Variants in RALGPS1 observed in about 807,000 individuals in gnomAD.
RALGPS1 encodes Ral GEF with PH domain and SH3 binding motif 1, also known as ras-specific guanine nucleotide-releasing factor RalGPS1.
A neutral mutation model predicts 78.8 loss-of-function variants in RALGPS1; 19 were observed. The observed-to-expected ratio is 0.24, with a 90% CI of 0.17 to 0.35. The LOEUF is 0.35. RALGPS1 is among the 10% of genes least tolerant of loss of function. The probability of loss-of-function intolerance (pLI) is 1.00; values close to 1 mark genes in which losing one functional copy is unlikely to be tolerated. For missense variants in RALGPS1, 454 were observed against 688.3 expected, an observed-to-expected ratio of 0.66 and a Z score of 3.81; for synonymous variants, 228 against 256.3, an observed-to-expected ratio of 0.89 and a Z score of 1.06.
chr9:127,100,242 A>G (rs2136776787), intron 8 of RALGPS1, among the ~76,000 whole-genome samples: 1 of 152,340 alleles, frequency 6.6e-6, no homozygotes, highest in African/African-American at 2.4e-5. Context: ...TCCTTTCAAA[A>G]TTGTTCCAGT....
intron 4 of RALGPS1, among the ~76,000 whole-genome samples, chr9:127,000,064 C>T (rs2043147926): frequency 6.6e-6 from 1 of 152,196 alleles, no homozygotes. Flanking sequence ...CCCCTGCTCT[C>T]ATTCCTCATA....
chr9:127,086,155 G>A (rs1428327698), intron 8 of RALGPS1, among the ~76,000 whole-genome samples: 1 of 152,086 alleles, frequency 6.6e-6, no homozygotes, highest in African/African-American at 2.4e-5. Context: ...TAATCACATG[G>A]TAGGCTTCAG....
intron 7 of RALGPS1, among the ~76,000 whole-genome samples, chr9:127,053,239 T>G (rs2048443972): frequency 6.6e-6 from 1 of 152,138 alleles, no homozygotes; most frequent in African/African-American, 2.4e-5. Flanking sequence ...TGCCCTCCAC[T>G]TGGCTGGAAT....
chr9:127,167,684 C>T (rs1370825983), intron 9 of RALGPS1, among the ~76,000 whole-genome samples: 2 of 152,204 alleles, frequency 1.3e-5, no homozygotes, highest in Admixed American at 1.3e-4. Flanking sequence ...TTCAGAGAAA[C>T]AAAATGATCT....
intron 4 of RALGPS1, among the ~76,000 whole-genome samples, chr9:127,003,670 C>G (rs1236430720): frequency 6.6e-6 from 1 of 151,896 alleles, no homozygotes. Context: ...TACTGCCAAA[C>G]TGTTTTCTTT....
At chr9:127,184,080 CT>C in intron 11 of RALGPS1, 1 of 1,535,492 alleles carries the variant, frequency 6.5e-7, no homozygotes, top group Non-Finnish European at 8.8e-7. Flanking sequence ...AATCCCAGCA[CT>C]TTGGGAAGCC....
chr9:127,112,048 G>A (rs1403679645), intron 8 of RALGPS1, among the ~76,000 whole-genome samples: 1 of 152,208 alleles, frequency 6.6e-6, no homozygotes, highest in Admixed American at 6.5e-5. Context: ...CCTTGGACCA[G>A]CCAGTGAGCA....
chr9:127,005,335 A>G (rs1227651535), intron 4 of RALGPS1, among the ~76,000 whole-genome samples: 3 of 152,246 alleles, frequency 2.0e-5, no homozygotes, highest in Non-Finnish European at 2.9e-5. Flanking sequence ...TTGCCAAGCT[A>G]AATTTTGACT....
At chr9:127,069,043 C>T (rs371558369) in intron 7 of RALGPS1, among the ~76,000 whole-genome samples, 187 bp from the exon 8 acceptor site, 4 of 152,286 alleles carry the variant, frequency 2.6e-5, no homozygotes, top group Non-Finnish European at 4.4e-5. Context: ...AGCCCCACCT[C>T]TGGAGTCGAG....
intron 1 of RALGPS1, among the ~76,000 whole-genome samples, chr9:126,943,160 A>C (rs2036939588): frequency 6.6e-6 from 1 of 151,488 alleles, no homozygotes; most frequent in Non-Finnish European, 1.5e-5. Context: ...CTTTTTTGAG[A>C]TGGAGTCTTA....
At chr9:127,197,139 T>G (rs1054182936) in intron 13 of RALGPS1, among the ~76,000 whole-genome samples, 7 of 152,320 alleles carry the variant, frequency 4.6e-5, no homozygotes, top group East Asian at 1.9e-4. Context: ...ATTGCATCAC[T>G]GAGTGTCAGC....
chr9:127,111,376 G>A (rs2054793582), intron 8 of RALGPS1, among the ~76,000 whole-genome samples: 2 of 152,260 alleles, frequency 1.3e-5, no homozygotes, highest in African/African-American at 2.4e-5. Context: ...CAAGCTGCAT[G>A]ATGGTAGGGA....
chr9:127,024,334 G>GT (rs1290518871), intron 4 of RALGPS1, among the ~76,000 whole-genome samples: 1 of 151,366 alleles, frequency 6.6e-6, no homozygotes, highest in Non-Finnish European at 1.5e-5. Flanking sequence ...TCTTTAAACT[G>GT]TTTTTTCTGC....
intron 1 of RALGPS1, among the ~76,000 whole-genome samples, chr9:126,931,413 A>G (rs907771426): frequency 1.3e-5 from 2 of 152,264 alleles, no homozygotes; most frequent in African/African-American, 4.8e-5. Flanking sequence ...TGTGGCATAT[A>G]CATATAAAGG....
intron 11 of RALGPS1, among the ~76,000 whole-genome samples, chr9:127,184,655 C>T (rs1347619520): frequency 6.6e-6 from 1 of 152,228 alleles, no homozygotes; most frequent in Non-Finnish European, 1.5e-5. Context: ...CCGTGTGCAC[C>T]AGAGGCTCAG....
At chr9:127,196,703 G>C in intron 13 of RALGPS1, 72 bp downstream of exon 13, 1 of 1,473,240 alleles carries the variant, frequency 6.8e-7, no homozygotes, top group Admixed American at 2.3e-5. Context: ...GTCTGTCTCT[G>C]TGTCACTGTG....
intron 4 of RALGPS1, chr9:126,990,118 G>C: frequency 8.1e-7 from 1 of 1,236,096 alleles, no homozygotes; most frequent in Non-Finnish European, 1.1e-6. Context: ...CTGCTCCTTG[G>C]AATCAGTGTT....
At chr9:126,977,326 T>G (rs2040759773) in intron 3 of RALGPS1, among the ~76,000 whole-genome samples, 1 of 152,230 alleles carries the variant, frequency 6.6e-6, no homozygotes, top group Admixed American at 6.5e-5. Flanking sequence ...TTAAATATTG[T>G]TTCTACAACT....
chr9:127,093,946 T>C (rs1365478394), intron 8 of RALGPS1: 2 of 1,610,658 alleles, frequency 1.2e-6, no homozygotes, highest in South Asian at 1.1e-5. Flanking sequence ...CAGACATGCA[T>C]ATACATCACA....
Sources: gnomAD v4.1 joint callset for allele counts (sites outside exome capture counted in the v4.1 genomes callset) on GRCh38, gnomAD v4.1.1 for gene constraint, MANE v1.5 for transcripts, NCBI Gene and HGNC (gene_info 2026-07-23, HGNC 2026-07-21) for gene names.